The following ALDH7A1 variants were observed in gnomAD, a reference collection of about 807,000 sequenced individuals.
The protein encoded by ALDH7A1 is aldehyde dehydrogenase 7 family member A1, also known as alpha-aminoadipic semialdehyde dehydrogenase.
Under a neutral mutation model 79.9 loss-of-function variants are expected in ALDH7A1, and 63 were observed. The observed-to-expected ratio is 0.79, with a 90% CI of 0.64 to 0.97. The LOEUF is 0.97. ALDH7A1 is among the 50% of genes least tolerant of loss of function. ALDH7A1 has a pLI of 0.00. For missense variants in ALDH7A1, 627 were observed against 665.2 expected, an observed-to-expected ratio of 0.94 and a Z score of 0.63; for synonymous variants, 240 against 231.2, an observed-to-expected ratio of 1.04 and a Z score of -0.34.
Position 126,595,175 on chromosome 5 carries a change from C to A in ALDH7A1, c.24G>T (p.Leu8=). The A allele has an allele frequency of 6.4e-7, 1 of 1,553,272 alleles. No individual in the cohort carries two copies. Among genetic ancestry groups the A allele is most frequent in the Non-Finnish European group, 8.7e-7 (1 of 1,147,726 alleles). ...TGCTGGTCTTTGCAGCGTGCACACACAGCGCGCGAGGAAGGCGCCACATAC... is the reference window on the plus strand; with the variant it reads ...TGCTGGTCTTTGCAGCGTGCACACAAAGCGCGCGAGGAAGGCGCCACATAC... MWRLPRA[L]CVHAAKTSKL... is the part of the protein sequence containing the mutation. Residue 8 remains leucine (L), a synonymous_variant, in exon 1 of 18, where the codon CTG becomes CTT. Coordinates refer to ENST00000409134, the MANE Select transcript of ALDH7A1 (RefSeq NM_001182.5).
intron 13 of ALDH7A1, among the ~76,000 whole-genome samples, chr5:126,553,835 T>C (rs1412814637): frequency 1.3e-5 from 2 of 150,938 alleles, no homozygotes; most frequent in African/African-American, 2.4e-5. Flanking sequence ...GAGCCAAGTG[T>C]GGTGGTTCAT....
intron 11 of ALDH7A1, among the ~76,000 whole-genome samples, chr5:126,558,832 G>A (rs1750295139): frequency 6.6e-6 from 1 of 152,174 alleles, no homozygotes; most frequent in Non-Finnish European, 1.5e-5. Flanking sequence ...AGTCTAAAAT[G>A]TTTAAAATGT....
chr5:126,584,712 G>A (rs775747395), intron 3 of ALDH7A1, among the ~76,000 whole-genome samples: 6 of 136,958 alleles, frequency 4.4e-5, no homozygotes, highest in Non-Finnish European at 6.3e-5. Flanking sequence ...ACAGCAAGTG[G>A]ATTCACGGTC....
chr5:126,566,413 T>C (rs1269622318), intron 9 of ALDH7A1, among the ~76,000 whole-genome samples: 1 of 152,226 alleles, frequency 6.6e-6, no homozygotes, highest in Admixed American at 6.5e-5. Flanking sequence ...ATAATTGATT[T>C]TTGTATCTCA....
intron 11 of ALDH7A1, among the ~76,000 whole-genome samples, chr5:126,557,291 T>C (rs963928740): frequency 6.6e-6 from 1 of 152,094 alleles, no homozygotes; most frequent in African/African-American, 2.4e-5. Context: ...AAAACAAATA[T>C]GAAAAGTGTG....
rs747505504 is a variant in ALDH7A1 at position 126,595,099 on chromosome 5, T to C, written c.100A>G (p.Ile34Val). The C allele has an allele frequency of 1.9e-6, 3 of 1,596,990 alleles. No individual in the cohort carries two copies. Among genetic ancestry groups the C allele is most frequent in the East Asian group, 4.5e-5 (2 of 44,022 alleles). Residue 34 changes from isoleucine (I) to valine (V), a missense_variant, in exon 1 of 18, where the codon ATC (isoleucine) becomes GTC (valine). Coordinates refer to ENST00000409134, the MANE Select transcript of ALDH7A1 (RefSeq NM_001182.5). ...AGCCACGCATACTGGGGCTGATTGA[T>C]GAGGAGAGTGGACATGAAGGCGGCA... ...RPAAFMSTLL[I>V]NQPQYAWLKE...
chr5:126,561,381 G>GAA (rs370131062), intron 9 of ALDH7A1: 267 of 263,782 alleles, frequency 1.0e-3, no homozygotes, highest in African/African-American at 5.5e-3. Flanking sequence ...GGTTATACAA[G>GAA]AAAATGTCCA....
chr5:126,555,985 C>T lies in ALDH7A1; in HGVS notation c.1039G>A (p.Val347Ile), dbSNP rs757087792. The T allele has an allele frequency of 8.7e-6, 14 of 1,613,284 alleles. No homozygotes were observed. The South Asian group carries it at 1.3e-4, about 15-fold the overall frequency. ...FIHESIHDEV[V>I]NRLKKAYAQI... Reference sequence around the variant, plus strand: ...GCATAGGCCTTTTTAAGTCTGTTTACAACCTCATCATGGATGCTTTCATGT... The same window carrying T: ...GCATAGGCCTTTTTAAGTCTGTTTATAACCTCATCATGGATGCTTTCATGT... Residue 347 changes from valine (V) to isoleucine (I), a missense_variant, in exon 12 of 18, where the codon GTA becomes ATA. Val to Ile is a conservative substitution (Grantham distance 29). Coordinates refer to ENST00000409134, the MANE Select transcript of ALDH7A1 (RefSeq NM_001182.5).
chr5:126,570,446 A>G (rs1444752599), intron 8 of ALDH7A1: 4 of 264,738 alleles, frequency 1.5e-5, no homozygotes, highest in Non-Finnish European at 2.9e-5. Flanking sequence ...GAGACCCCAG[A>G]CTACAATTTC....
chr5:126,592,295 G>A (rs1030809365), intron 3 of ALDH7A1: 3 of 240,200 alleles, frequency 1.2e-5, no homozygotes, highest in Admixed American at 1.0e-4. Flanking sequence ...AATCTGGCAG[G>A]GGGATAGAGG....
chr5:126,571,636 TTTTA>T (rs1221588204), intron 7 of ALDH7A1, among the ~76,000 whole-genome samples: 9 of 152,120 alleles, frequency 5.9e-5, no homozygotes, highest in South Asian at 2.1e-4. Flanking sequence ...TCACTGGGCC[TTTTA>T]TTTATTTATT....
intron 11 of ALDH7A1, among the ~76,000 whole-genome samples, chr5:126,556,345 C>T (rs1057429172): frequency 1.4e-5 from 2 of 147,204 alleles, no homozygotes. Context: ...CGGGTTCAAG[C>T]GATTCTTATA....
intron 14 of ALDH7A1, among the ~76,000 whole-genome samples, chr5:126,551,085 C>T (rs1317884175): frequency 6.6e-6 from 1 of 152,020 alleles, no homozygotes; most frequent in South Asian, 2.1e-4. Flanking sequence ...ACATACAACA[C>T]CTGGCTAATT....
chr5:126,591,285 C>A (rs1751545570), intron 3 of ALDH7A1, among the ~76,000 whole-genome samples: 1 of 152,028 alleles, frequency 6.6e-6, no homozygotes, highest in African/African-American at 2.4e-5. Flanking sequence ...CCCAAGGATA[C>A]TTTTGATTGT....
chr5:126,583,817 G>C (rs1054180624), intron 4 of ALDH7A1, 115 bp downstream of exon 4: 41 of 835,230 alleles, frequency 4.9e-5, no homozygotes, highest in South Asian at 3.7e-4. Flanking sequence ...TCCAGCCTGG[G>C]TGACAGCAAG....
At chr5:126,563,934 C>T (rs1750487017) in intron 9 of ALDH7A1, among the ~76,000 whole-genome samples, 1 of 151,878 alleles carries the variant, frequency 6.6e-6, no homozygotes, top group African/African-American at 2.4e-5. Context: ...ACAACAAGCA[C>T]GTGTCACAAC....
intron 16 of ALDH7A1, 134 bp downstream of exon 16, chr5:126,549,795 A>C (rs1355748846): frequency 3.5e-6 from 3 of 862,492 alleles, no homozygotes; most frequent in Non-Finnish European, 5.9e-6. Context: ...AAGCTTTTTC[A>C]GATATGTTAG....
chr5:126,560,057 A>T (rs1347899182), intron 10 of ALDH7A1, among the ~76,000 whole-genome samples: 1 of 152,034 alleles, frequency 6.6e-6, no homozygotes, highest in African/African-American at 2.4e-5. Context: ...TCAGCCTCCC[A>T]GTGGGGACTG....
chr5:126,560,944 TA>T, intron 10 of ALDH7A1, 138 bp downstream of exon 10: 1 of 916,494 alleles, frequency 1.1e-6, no homozygotes, highest in Non-Finnish European at 1.8e-6. Flanking sequence ...GTCTCCCAAG[TA>T]AAATTCCTAA....
Sources: allele counts gnomAD v4.1 joint callset (sites outside exome capture counted in the v4.1 genomes callset), GRCh38; gene constraint gnomAD v4.1.1; transcripts MANE v1.5; gene names NCBI Gene and HGNC (gene_info 2026-07-23, HGNC 2026-07-21).